The following LRRC17 variants were observed in gnomAD, a reference collection of about 807,000 sequenced individuals.
LRRC17 encodes the protein leucine rich repeat containing 17.
Under a neutral mutation model 41.5 loss-of-function variants are expected in LRRC17, and 33 were observed. That is an observed-to-expected ratio of 0.80 (90% CI 0.60 to 1.06). The LOEUF is 1.06. Among genes scored for constraint, LRRC17 ranks in the 50% least tolerant of loss-of-function variants. The pLI, the probability that LRRC17 is intolerant of heterozygous loss-of-function variation, is 0.00. For synonymous variants in LRRC17, 192 were observed against 197.0 expected (o/e 0.97, Z 0.21); for missense variants, 491 against 519.3 (o/e 0.95, Z 0.53).
At chr7:102,942,339 T>C (rs1821623107) in intron 3 of LRRC17, 3 of 1,588,980 alleles carry the variant, frequency 1.9e-6, no homozygotes, top group South Asian at 2.3e-5. Flanking sequence ...TGATTTTTGC[T>C]GTGGTAAGTA....
At chr7:102,937,261 A>G (rs1203356561) in intron 2 of LRRC17, among the ~76,000 whole-genome samples, 4 of 151,826 alleles carry the variant, frequency 2.6e-5, no homozygotes, top group African/African-American at 9.7e-5. Context: ...GCACTTTGGG[A>G]GGCCGAGGCA....
rs1816991864 is a variant in LRRC17, at chr7:102,921,404, G to A, written c.-141+8259G>A. On this transcript the variant is annotated intron_variant, in intron 1 of 3. Transcript: ENST00000339431. ...TTCTCTATAAGAAACTCTGGGCCGG[G>A]CACAGTGGCTCATGCCTGTAATCCC... 2.0e-5 allele frequency among the ~76,000 whole-genome samples: 3 copies of A among 152,142 alleles called. No individual in the cohort carries two copies. In the South Asian group the frequency reaches 6.2e-4, roughly 32 times the overall value.
Position 102,944,613 on chromosome 7 carries a change from A to T in LRRC17, c.*6A>T. 1 of 1,578,448 alleles carries T rather than the reference A, an allele frequency of 6.3e-7. No individual in the cohort carries two copies. The highest frequency in any genetic ancestry group is 1.2e-5 in the South Asian group (1 of 85,126). On this transcript the variant is annotated 3_prime_UTR_variant, in exon 4 of 4. Transcript: ENST00000339431. ...TAATTACTATAGTAGGATAAGGTAG[A>T]AATTGTTCTGATTGTAATTAGTTTT...
At chr7:102,915,974 T>G (rs1016973125) in intron 1 of LRRC17, among the ~76,000 whole-genome samples, 1 of 151,856 alleles carries the variant, frequency 6.6e-6, no homozygotes, top group African/African-American at 2.4e-5. Context: ...AAAGTAGAGA[T>G]GAGTTTCTTC....
At chr7:102,938,997 T>G (rs1362112509) in intron 2 of LRRC17, among the ~76,000 whole-genome samples, 4 of 152,216 alleles carry the variant, frequency 2.6e-5, no homozygotes, top group African/African-American at 9.6e-5. Context: ...TCATAAACAT[T>G]TTTTTCGACC....
At chr7:102,917,498 G>T (rs1330521600) in intron 1 of LRRC17, among the ~76,000 whole-genome samples, 1 of 152,176 alleles carries the variant, frequency 6.6e-6, no homozygotes, top group Non-Finnish European at 1.5e-5. Flanking sequence ...AAAAATCACT[G>T]CAGACTTCTG....
At chr7:102,928,351 A>T (rs545598558) in intron 1 of LRRC17, among the ~76,000 whole-genome samples, 6 of 152,378 alleles carry the variant, frequency 3.9e-5, no homozygotes, top group African/African-American at 1.4e-4. Context: ...ATGACTTATG[A>T]ATTTGTCCAC....
intron 1 of LRRC17, among the ~76,000 whole-genome samples, chr7:102,922,934 C>T (rs1421230124): frequency 4.6e-5 from 7 of 151,874 alleles, no homozygotes; most frequent in South Asian, 2.1e-4. Context: ...GCTGAGATCG[C>T]GCCACTGCAC....
chr7:102,934,116 A>G lies in LRRC17; in HGVS notation c.203A>G (p.Gln68Arg), dbSNP rs773992171. The G allele has an allele frequency of 7.4e-6, 12 of 1,613,960 alleles. No individual in the cohort carries two copies. In the East Asian group the frequency reaches 1.6e-4, roughly 21 times the overall value. The stretch of plus-strand genomic sequence containing the variant: ...CTCCATGAGAAATACTTAGATTGTC[A>G]AGAAAGAAAATTAGTTTATGTGCTG... ...TYLHEKYLDC[Q>R]ERKLVYVLPG... Residue 68 changes from glutamine (Q) to arginine (R), a missense_variant, in exon 2 of 4, where the codon CAA becomes CGA. Coordinates refer to ENST00000339431, the MANE Select transcript of LRRC17 (RefSeq NM_001031692.3).
At chr7:102,940,187 C>T (rs1241685325) in intron 3 of LRRC17, among the ~76,000 whole-genome samples, 1 of 151,024 alleles carries the variant, frequency 6.6e-6, no homozygotes, top group Non-Finnish European at 1.5e-5. Flanking sequence ...AGCCACCGCG[C>T]CTGGCCAAAT....
chr7:102,914,459 C>G (rs572318975), intron 1 of LRRC17, among the ~76,000 whole-genome samples: 2 of 152,308 alleles, frequency 1.3e-5, no homozygotes, highest in South Asian at 2.1e-4. Context: ...TTGTGATATG[C>G]AACAGCTTAA....
rs1487672443 is a variant in LRRC17 at position 102,944,549 on chromosome 7, A to G, written c.1268A>G (p.Lys423Arg). The change falls in exon 4 of 4, where the codon AAA becomes AGA. Residue 423 changes from lysine to arginine, a missense_variant. Transcript: ENST00000339431. ...GACACAGAAGATGATGAATGGGAAA[A>G]AAAACATAGAGATCACACCGCAAAG... ...DQDTEDDEWEKKHRDHTAKKQ... is the reference protein window; with the variant it reads ...DQDTEDDEWERKHRDHTAKKQ... 1.9e-6 allele frequency: 3 copies of G among 1,613,570 alleles called. No homozygotes were observed. The highest frequency in any genetic ancestry group is 2.2e-5 in the South Asian group (2 of 90,880).
chr7:102,941,517 C>G (rs1225013083), intron 3 of LRRC17, among the ~76,000 whole-genome samples: 1 of 152,168 alleles, frequency 6.6e-6, no homozygotes, highest in Admixed American at 6.5e-5. Flanking sequence ...GCACAGCCAG[C>G]TCTGCATGAA....
Position 102,943,336 on chromosome 7 carries a change from CAA to C in LRRC17, c.929-862_929-861del, listed in dbSNP as rs58320878. Among the ~76,000 whole-genome samples, 2,219 of 142,378 alleles carry C rather than the reference CAA, an allele frequency of 0.016. 92 individuals carry two copies. In the East Asian group the frequency reaches 0.17, roughly 11 times the overall value. The allele number at this position is 142,378 out of a possible 152,430, so 93.4% of individuals were successfully genotyped here. Reference sequence around the variant, plus strand: ...GCATCTTTTTTTCCCAAGTAAATACCAAAAAAAAAAAAAGCCCAAAATACATT... The same window carrying C: ...GCATCTTTTTTTCCCAAGTAAATACCAAAAAAAAAAAGCCCAAAATACATT... On this transcript the variant is annotated intron_variant, in intron 3 of 3. Coordinates refer to ENST00000339431, the MANE Select transcript of LRRC17 (RefSeq NM_001031692.3).
chr7:102,914,997 C>T (rs1482952779), intron 1 of LRRC17, among the ~76,000 whole-genome samples: 1 of 152,094 alleles, frequency 6.6e-6, no homozygotes, highest in East Asian at 1.9e-4. Flanking sequence ...CCGCGTGACA[C>T]AGTGCAAAAT....
At chr7:102,928,445 T>C (rs1325302699) in intron 1 of LRRC17, among the ~76,000 whole-genome samples, 2 of 152,162 alleles carry the variant, frequency 1.3e-5, no homozygotes, top group Non-Finnish European at 2.9e-5. Context: ...GTTACCCAAC[T>C]CCTTAAATGT....
chr7:102,928,046 G>A (rs1172547803), intron 1 of LRRC17, among the ~76,000 whole-genome samples: 1 of 152,218 alleles, frequency 6.6e-6, no homozygotes, highest in Non-Finnish European at 1.5e-5. Context: ...GAAGAGGAAG[G>A]TGGAGTAGCT....
chr7:102,914,012 G>A (rs562042477), intron 1 of LRRC17, among the ~76,000 whole-genome samples: 31 of 152,246 alleles, frequency 2.0e-4, no homozygotes, highest in African/African-American at 6.7e-4. Flanking sequence ...TACCATACGA[G>A]GGCTCGCAGT....
intron 1 of LRRC17, among the ~76,000 whole-genome samples, chr7:102,924,561 T>C (rs1159999652): frequency 1.3e-5 from 2 of 151,778 alleles, no homozygotes; most frequent in African/African-American, 4.8e-5. Flanking sequence ...TGCCACTTCT[T>C]AGGCTGGTAC....
Sources: gnomAD v4.1 joint callset for allele counts (sites outside exome capture counted in the v4.1 genomes callset) on GRCh38, gnomAD v4.1.1 for gene constraint, MANE v1.5 for transcripts, NCBI Gene and HGNC (gene_info 2026-07-23, HGNC 2026-07-21) for gene names.